Variants in MAP3K19 observed in about 807,000 individuals in gnomAD.
MAP3K19 encodes the protein mitogen-activated protein kinase kinase kinase 19, also known as SPS1/STE20-related protein kinase YSK4.
A neutral mutation model predicts 114.4 loss-of-function variants in MAP3K19; 91 were observed. The observed-to-expected ratio is 0.80, with a 90% CI of 0.67 to 0.95. MAP3K19 has a LOEUF of 0.95. MAP3K19 is among the 40% of genes least tolerant of loss of function. The pLI, the probability that MAP3K19 is intolerant of heterozygous loss-of-function variation, is 0.00. For synonymous variants in MAP3K19, 518 were observed against 530.5 expected (o/e 0.98, Z 0.32); for missense variants, 1,471 against 1,573.2 (o/e 0.94, Z 1.10).
At chr2:135,027,402 A>G (rs1244227421) in intron 3 of MAP3K19, among the ~76,000 whole-genome samples, 5 of 146,092 alleles carry the variant, frequency 3.4e-5, no homozygotes, top group African/African-American at 5.4e-5. Context: ...GAAAGAAAAG[A>G]AAGAAAGAAA....
Position 134,998,784 on chromosome 2 carries a change from T to C in MAP3K19, c.528A>G (p.Arg176=), listed in dbSNP as rs146453631. Residue 176 remains arginine (R), a synonymous_variant, in exon 8 of 13, where the codon AGA becomes AGG. Coordinates refer to ENST00000392915, the MANE Select transcript of MAP3K19 (RefSeq NM_025052.5). The part of the protein sequence containing the change: ...LELNISKSVT[R]EDAPHFLKEQ... ...CCTTCAGAAAATGAGGAGCATCTTC[T>C]CTGGTTACAGACTTGGAAATGTTCA... is the stretch of plus-strand genomic sequence containing the variant. 5.2e-5 allele frequency: 83 copies of C among 1,608,074 alleles called. No homozygotes were observed. Among genetic ancestry groups the C allele is most frequent in the Non-Finnish European group, 6.6e-5 (78 of 1,176,286 alleles).
chr2:134,967,200 A>G (rs1683418432), intron 12 of MAP3K19, among the ~76,000 whole-genome samples: 1 of 152,178 alleles, frequency 6.6e-6, no homozygotes, highest in Non-Finnish European at 1.5e-5. Context: ...TCAATAAATC[A>G]GGGGCAACAT....
rs1684600286 is a variant in MAP3K19, at chr2:134,980,945, G to A, written c.3796C>T (p.Pro1266Ser). 2 of 1,614,096 alleles carry A rather than the reference G, an allele frequency of 1.2e-6. No individual in the cohort carries two copies. Among genetic ancestry groups the A allele is most frequent in the East Asian group, 2.2e-5 (1 of 44,876 alleles). ...GCCATCCTGTCCATGGAAGCCAGTG[G>A]AGGCTTCCCTGTAGCCATCTCAAAC... is the stretch of plus-strand genomic sequence containing the variant. Reference protein sequence around the residue: ...TVFEMATGKPPLASMDRMAAM... With the variant: ...TVFEMATGKPSLASMDRMAAM... Residue 1266 changes from proline (P) to serine (S), a missense_variant, in exon 12 of 13, where the codon CCA (proline) becomes TCA (serine). Pro to Ser is a moderately conservative substitution (Grantham distance 74). Coordinates refer to ENST00000392915, the MANE Select transcript of MAP3K19 (RefSeq NM_025052.5).
intron 6 of MAP3K19, among the ~76,000 whole-genome samples, chr2:135,003,633 C>A (rs908508329): frequency 6.6e-6 from 1 of 152,186 alleles, no homozygotes; most frequent in Non-Finnish European, 1.5e-5. Flanking sequence ...CAGCTCACTG[C>A]AACCTCCGCC....
intron 8 of MAP3K19, among the ~76,000 whole-genome samples, chr2:134,995,527 C>A (rs778398418): frequency 6.6e-6 from 1 of 151,998 alleles, no homozygotes; most frequent in Non-Finnish European, 1.5e-5. Flanking sequence ...ACAAAAGGAA[C>A]CAACAGATTG....
intron 1 of MAP3K19, among the ~76,000 whole-genome samples, chr2:135,044,565 G>C (rs1187192284): frequency 6.6e-6 from 1 of 152,200 alleles, no homozygotes; most frequent in Non-Finnish European, 1.5e-5. Context: ...ACTCCAGCCT[G>C]GGCAACAAGA....
chr2:134,974,229 G>T (rs537314539), intron 12 of MAP3K19, among the ~76,000 whole-genome samples: 122 of 152,216 alleles, frequency 8.0e-4, no homozygotes, highest in African/African-American at 2.8e-3. Context: ...TCAAACTCCC[G>T]ACTTTAGGTG....
chr2:135,035,800 G>T (rs1339993868), intron 2 of MAP3K19, among the ~76,000 whole-genome samples: 1 of 152,136 alleles, frequency 6.6e-6, no homozygotes, highest in African/African-American at 2.4e-5. Flanking sequence ...CCCTCTGCAA[G>T]ATCAAGTCAC....
At chr2:135,023,367 G>A (rs533953055) in intron 4 of MAP3K19, 2 of 502,692 alleles carry the variant, frequency 4.0e-6, no homozygotes, top group East Asian at 5.8e-5. Flanking sequence ...TCAGCCCTCT[G>A]CAATTTTCTC....
Position 134,986,111 on chromosome 2 carries a change from G to A in MAP3K19, c.2761C>T (p.Gln921Ter). ...KQESASSQTYQYWVHYLDHDS... is the reference protein window; with the variant it reads ...KQESASSQTY ...TGATCCAAATAATGTACCCAATATT[G>A]ATATGTCTGGGAAGATGCACTTTCT... The change falls in exon 10 of 13, where the codon CAA becomes TAA. Residue 921 changes from glutamine to a stop codon, truncating the protein, a stop_gained. Coordinates refer to ENST00000392915, the MANE Select transcript of MAP3K19 (RefSeq NM_025052.5). LOFTEE classifies it high-confidence loss of function. 6.2e-7 allele frequency: 1 copy of A among 1,613,934 alleles called. No individual in the cohort carries two copies. The highest frequency in any genetic ancestry group is 8.5e-7 in the Non-Finnish European group (1 of 1,179,854).
At chr2:135,029,325 G>A (rs188812600) in intron 3 of MAP3K19, among the ~76,000 whole-genome samples, 3 of 152,186 alleles carry the variant, frequency 2.0e-5, no homozygotes, top group East Asian at 1.9e-4. Flanking sequence ...GCAGTGAGCC[G>A]AGATCGCGCC....
In MAP3K19 at chr2:135,033,380, C is replaced by T. The variant is rs1268978621; in HGVS notation, c.-283-2880G>A. Among the ~76,000 whole-genome samples, 5 of 114,264 alleles carry T rather than the reference C, an allele frequency of 4.4e-5. 1 individual carries two copies. Among genetic ancestry groups the T allele is most frequent in the Admixed American group, 2.6e-4 (3 of 11,580 alleles). The allele number at this position is 114,264 out of a possible 152,430, so 75.0% of individuals were successfully genotyped here. ...TGGCCGGGTGGGGGGCTGACCCCCC[C>T]CACTGCCCTCCCGGACGGGGCGGCT... On this transcript the variant is annotated intron_variant, in intron 2 of 12. Coordinates refer to ENST00000392915, the MANE Select transcript of MAP3K19 (RefSeq NM_025052.5).
At chr2:134,993,782 T>C (rs916909969) in intron 8 of MAP3K19, among the ~76,000 whole-genome samples, 1 of 151,922 alleles carries the variant, frequency 6.6e-6, no homozygotes, top group Admixed American at 6.6e-5. Flanking sequence ...TTTGGTAACA[T>C]GTGTCAAAGC....
chr2:135,046,437 C>T (rs761686185), intron 1 of MAP3K19, among the ~76,000 whole-genome samples: 2 of 151,994 alleles, frequency 1.3e-5, no homozygotes, highest in Non-Finnish European at 2.9e-5. Context: ...GCCACCTTGC[C>T]GGCTAATTTT....
At chr2:135,030,017 T>C (rs1291468556) in intron 3 of MAP3K19, among the ~76,000 whole-genome samples, 1 of 152,190 alleles carries the variant, frequency 6.6e-6, no homozygotes, top group African/African-American at 2.4e-5. Context: ...TCTGAGCAAG[T>C]TGATAGTGGT....
intron 9 of MAP3K19, 67 bp from the exon 10 acceptor site, chr2:134,988,320 A>G (rs1054141661): frequency 4.6e-6 from 6 of 1,305,176 alleles, no homozygotes; most frequent in Non-Finnish European, 6.2e-6. Context: ...ACTCGTTTAA[A>G]GTAGTCTAAA....
At chr2:135,005,336 A>G (rs1686737214) in intron 6 of MAP3K19, 99 bp downstream of exon 6, 1 of 863,446 alleles carries the variant, frequency 1.2e-6, no homozygotes, top group Non-Finnish European at 1.9e-6. Context: ...GCTCCAGTGT[A>G]TGTTGTTCAA....
intron 3 of MAP3K19, among the ~76,000 whole-genome samples, chr2:135,025,740 T>G (rs777587729): frequency 6.6e-6 from 1 of 152,222 alleles, no homozygotes; most frequent in Non-Finnish European, 1.5e-5. Flanking sequence ...TAAGCCCAAC[T>G]GGCTGATCTT....
Position 134,998,786 on chromosome 2 carries a change from T to C in MAP3K19, c.526A>G (p.Arg176Gly), listed in dbSNP as rs1282444278. The C allele has an allele frequency of 8.7e-6, 14 of 1,608,428 alleles. No homozygotes were observed. Among genetic ancestry groups the C allele is most frequent in the Non-Finnish European group, 1.2e-5 (14 of 1,176,428 alleles). Reference protein sequence around the residue: ...LELNISKSVTREDAPHFLKEQ... With the variant: ...LELNISKSVTGEDAPHFLKEQ... ...TTCAGAAAATGAGGAGCATCTTCTC[T>C]GGTTACAGACTTGGAAATGTTCAGT... The change falls in exon 8 of 13, where the codon AGA (arginine) becomes GGA (glycine). Residue 176 changes from arginine (R) to glycine (G), a missense_variant. Physicochemically the swap from Arg to Gly is moderately radical, Grantham distance 125. Transcript: ENST00000392915.
Sources: gnomAD v4.1 joint callset for allele counts (sites outside exome capture counted in the v4.1 genomes callset) on GRCh38, gnomAD v4.1.1 for gene constraint, MANE v1.5 for transcripts, NCBI Gene and HGNC (gene_info 2026-07-23, HGNC 2026-07-21) for gene names.